Variants in PLEKHA7 observed in about 807,000 individuals in gnomAD.
The protein encoded by PLEKHA7 is pleckstrin homology domain-containing family A member 7.
Under a neutral mutation model 170.0 loss-of-function variants are expected in PLEKHA7, and 104 were observed. The ratio of observed to expected loss-of-function variants is 0.61; its 90% CI spans 0.52 to 0.72. The LOEUF is 0.72. Ranked by LOEUF, PLEKHA7 falls within the 30% of genes least tolerant of loss-of-function variation. The pLI is 0.00. For synonymous variants in PLEKHA7, 648 were observed against 660.8 expected, an observed-to-expected ratio of 0.98 and a Z score of 0.30; for missense variants, 1,615 against 1,671.7, an observed-to-expected ratio of 0.97 and a Z score of 0.59.
chr11:16,875,368 C>A (rs142515353), intron 3 of PLEKHA7, among the ~76,000 whole-genome samples: 2 of 138,004 alleles, frequency 1.4e-5, no homozygotes, highest in Non-Finnish European at 3.3e-5. Flanking sequence ...TTTTTTTTTT[C>A]AAAAAGACTC....
chr11:16,918,779 TA>T (rs935462556), intron 3 of PLEKHA7, among the ~76,000 whole-genome samples: 42 of 152,312 alleles, frequency 2.8e-4, no homozygotes, highest in African/African-American at 9.9e-4. Context: ...TTTTTTCCTT[TA>T]AATAGACCAC....
chr11:16,956,860 T>C (rs1162564187), intron 3 of PLEKHA7, among the ~76,000 whole-genome samples: 2 of 151,314 alleles, frequency 1.3e-5, no homozygotes, highest in Admixed American at 6.6e-5. Flanking sequence ...CCCTGTCAAC[T>C]CAATCTAAAG....
chr11:16,847,796 C>T (rs1189473045), intron 8 of PLEKHA7, among the ~76,000 whole-genome samples: 1 of 144,174 alleles, frequency 6.9e-6, no homozygotes, highest in Non-Finnish European at 1.5e-5. Context: ...GAGCCAAGAT[C>T]GTGCCATTGT....
At chr11:16,972,025 T>C (rs1862747328) in intron 3 of PLEKHA7, among the ~76,000 whole-genome samples, 1 of 152,130 alleles carries the variant, frequency 6.6e-6, no homozygotes, top group Non-Finnish European at 1.5e-5. Flanking sequence ...GGTTTTGTCA[T>C]GTTGGCAGGC....
At chr11:16,908,197 A>G (rs1244864978) in intron 3 of PLEKHA7, among the ~76,000 whole-genome samples, 1 of 146,830 alleles carries the variant, frequency 6.8e-6, no homozygotes, top group Non-Finnish European at 1.5e-5. Context: ...CCTTCCCTCC[A>G]CTACTGTCCT....
intron 3 of PLEKHA7, among the ~76,000 whole-genome samples, chr11:16,992,083 C>G (rs998537088): frequency 2.6e-5 from 4 of 152,198 alleles, no homozygotes; most frequent in East Asian, 1.9e-4. Flanking sequence ...GGACCCCCCC[C>G]AGCCTGGGCA....
intron 3 of PLEKHA7, among the ~76,000 whole-genome samples, chr11:16,946,500 G>A (rs893103710): frequency 2.0e-5 from 3 of 152,110 alleles, no homozygotes; most frequent in Non-Finnish European, 2.9e-5. Context: ...GAATCACAGG[G>A]ATTTTAGTTT....
chr11:16,915,857 T>C (rs1231618259), intron 3 of PLEKHA7, among the ~76,000 whole-genome samples: 3 of 150,072 alleles, frequency 2.0e-5, no homozygotes, highest in African/African-American at 5.0e-5. Context: ...GCATGATTTA[T>C]AGTCCTTTGG....
At position 16,837,539 on chromosome 11, in the gene PLEKHA7, T is replaced by C. The variant is rs115611074; in HGVS notation, c.872+4008A>G. Among the ~76,000 whole-genome samples, 1,078 of 152,164 alleles carry C rather than the reference T, an allele frequency of 7.1e-3. 12 individuals carry two copies. Among genetic ancestry groups the C allele is most frequent in the African/African-American group, 0.024 (993 of 41,496 alleles). On this transcript the variant is annotated intron_variant, in intron 9 of 26. Transcript: ENST00000531066. ...AGCTCAAATTATAAAAGGACATGTA[T>C]AAGAAATGGAAGGCGGGGCACAAAT...
chr11:16,979,605 T>C (rs1863291702), intron 3 of PLEKHA7, among the ~76,000 whole-genome samples: 1 of 152,174 alleles, frequency 6.6e-6, no homozygotes, highest in African/African-American at 2.4e-5. Context: ...CCATTCTTTT[T>C]TCCTCCAACC....
intron 3 of PLEKHA7, among the ~76,000 whole-genome samples, chr11:16,875,276 A>G (rs1466332836): frequency 2.0e-5 from 3 of 152,176 alleles, no homozygotes; most frequent in Non-Finnish European, 4.4e-5. Flanking sequence ...TGATGTAAGC[A>G]GGGCAGATAT....
At chr11:16,892,110 T>C (rs1158853745) in intron 3 of PLEKHA7, among the ~76,000 whole-genome samples, 1 of 152,166 alleles carries the variant, frequency 6.6e-6, no homozygotes, top group African/African-American at 2.4e-5. Context: ...GGCAAGGATG[T>C]TGGTAATGGA....
intron 3 of PLEKHA7, among the ~76,000 whole-genome samples, chr11:16,919,267 C>T (rs1216865340): frequency 6.6e-6 from 1 of 152,130 alleles, no homozygotes; most frequent in African/African-American, 2.4e-5. Flanking sequence ...CATATCATTG[C>T]ACACTTTGGG....
chr11:16,953,136 G>A (rs1305264531), intron 3 of PLEKHA7, among the ~76,000 whole-genome samples: 1 of 152,216 alleles, frequency 6.6e-6, no homozygotes, highest in Non-Finnish European at 1.5e-5. Flanking sequence ...TAAGGATTAA[G>A]TTGCCAGATG....
chr11:16,989,267 C>G (rs376569569), intron 3 of PLEKHA7, among the ~76,000 whole-genome samples: 5 of 152,308 alleles, frequency 3.3e-5, no homozygotes, highest in African/African-American at 9.6e-5. Context: ...AGCAGGAACT[C>G]TGGAATCAGA....
chr11:16,929,545 T>C (rs1301323889), intron 3 of PLEKHA7, among the ~76,000 whole-genome samples: 1 of 152,228 alleles, frequency 6.6e-6, no homozygotes, highest in Non-Finnish European at 1.5e-5. Flanking sequence ...GAGCAAGCCA[T>C]AGATAAGACT....
chr11:16,812,907 C>A (rs538468229), intron 13 of PLEKHA7, among the ~76,000 whole-genome samples: 2 of 152,278 alleles, frequency 1.3e-5, no homozygotes, highest in African/African-American at 4.8e-5. Flanking sequence ...AGGGACCTCA[C>A]AACAAAATTC....
At chr11:16,968,322 G>A (rs1042293295) in intron 3 of PLEKHA7, among the ~76,000 whole-genome samples, 4 of 152,224 alleles carry the variant, frequency 2.6e-5, no homozygotes, top group South Asian at 2.1e-4. Flanking sequence ...CAGCACACAC[G>A]AGGCTCCACA....
At chr11:16,884,863 C>T (rs1485633198) in intron 3 of PLEKHA7, among the ~76,000 whole-genome samples, 2 of 152,142 alleles carry the variant, frequency 1.3e-5, no homozygotes, top group Admixed American at 1.3e-4. Flanking sequence ...AAAGAAATTT[C>T]TGTAAATATA....
Sources: allele counts gnomAD v4.1 joint callset (sites outside exome capture counted in the v4.1 genomes callset), GRCh38; gene constraint gnomAD v4.1.1; transcripts MANE v1.5; gene names NCBI Gene and HGNC (gene_info 2026-07-23, HGNC 2026-07-21).